The following CACNA2D4 variants were observed in gnomAD, a reference collection of about 807,000 sequenced individuals.
CACNA2D4 encodes calcium voltage-gated channel auxiliary subunit alpha2delta 4, also known as voltage-dependent calcium channel subunit alpha-2/delta-4.
A neutral mutation model predicts 163.8 loss-of-function variants in CACNA2D4; 157 were observed. The ratio of observed to expected loss-of-function variants is 0.96; its 90% CI spans 0.84 to 1.09. CACNA2D4 has a LOEUF of 1.09. Among genes scored for constraint, CACNA2D4 ranks in the 50% least tolerant of loss-of-function variants. CACNA2D4 has a pLI of 0.00. For synonymous variants in CACNA2D4, 598 were observed against 586.9 expected, an observed-to-expected ratio of 1.02 and a Z score of -0.27; for missense variants, 1,410 against 1,479.9, an observed-to-expected ratio of 0.95 and a Z score of 0.78.
In CACNA2D4 at chr12:1,793,739, G is replaced by A. The variant is rs33912216; in HGVS notation, c.3330C>T (p.Gly1110=). 0.097 allele frequency: 156,067 copies of A among 1,612,800 alleles called. 8,584 individuals carry two copies. The highest frequency in any genetic ancestry group is 0.22 in the Admixed American group (13,082 of 59,990). The part of the protein sequence containing the change: ...FHPEENAQDC[G]GASDTSASPP... ...GCGAGGCTGAGGTGTCCGAGGCGCC[G>A]CCGCAGTCCTGGGCATTCTCCTGCG... Residue 1110 remains glycine, a synonymous_variant, in exon 38 of 38, where the codon GGC becomes GGT. Transcript: ENST00000382722.
intron 4 of CACNA2D4, 136 bp from the exon 5 acceptor site, chr12:1,908,173 G>A (rs1182556875): frequency 6.7e-6 from 6 of 895,178 alleles, no homozygotes; most frequent in Non-Finnish European, 1.0e-5. Flanking sequence ...AAGCACCCGC[G>A]GCGGCGCGCT....
chr12:1,907,188 T>C (rs1866680135), intron 6 of CACNA2D4, among the ~76,000 whole-genome samples: 1 of 152,270 alleles, frequency 6.6e-6, no homozygotes, highest in South Asian at 2.1e-4. Flanking sequence ...AGGAGCTTCA[T>C]GTGGGCATTC....
intron 31 of CACNA2D4, chr12:1,800,648 A>G: frequency 5.0e-6 from 3 of 605,984 alleles, no homozygotes; most frequent in Non-Finnish European, 2.9e-6. Context: ...GGAAATGCCT[A>G]TTGCAGGTCA....
At chr12:1,912,892 G>A (rs1866866539) in intron 3 of CACNA2D4, 131 bp downstream of exon 3, 3 of 628,406 alleles carry the variant, frequency 4.8e-6, no homozygotes, top group Non-Finnish European at 8.6e-6. Flanking sequence ...GAAGGTACAA[G>A]GCGGAATCTT....
intron 26 of CACNA2D4, among the ~76,000 whole-genome samples, chr12:1,838,817 A>ATT (rs1380632242): frequency 1.7e-4 from 26 of 152,286 alleles, no homozygotes; most frequent in African/African-American, 5.5e-4. Context: ...GCACAGGCGC[A>ATT]GGCTTGGCTG....
chr12:1,915,949 G>A (rs979515151), intron 1 of CACNA2D4, among the ~76,000 whole-genome samples: 2 of 152,240 alleles, frequency 1.3e-5, no homozygotes, highest in African/African-American at 4.8e-5. Flanking sequence ...CATGCGGGTA[G>A]CATAGTACAT....
intron 10 of CACNA2D4, 48 bp from the exon 11 acceptor site, chr12:1,884,929 C>T (rs373136107): frequency 3.1e-6 from 5 of 1,600,806 alleles, no homozygotes; most frequent in East Asian, 4.5e-5. Context: ...AGCCCACCCC[C>T]CTCCACCTGC....
rs965003050 is a variant in CACNA2D4, at chr12:1,793,465, T to C, written c.*190A>G. ...CGGGCACCATGAAGCATCTTGAAAG[T>C]GGTGCCAGGTGATTGGTTTCCTGTT... is the stretch of plus-strand genomic sequence containing the variant. On this transcript the variant is annotated 3_prime_UTR_variant, in exon 38 of 38. Coordinates refer to ENST00000382722, the MANE Select transcript of CACNA2D4 (RefSeq NM_172364.5). 6 of 632,200 alleles carry C rather than the reference T, an allele frequency of 9.5e-6. No individual in the cohort carries two copies. In the African/African-American group the frequency reaches 1.1e-4, roughly 11 times the overall value. 39.2% of individuals were successfully genotyped at this position (632,200 alleles called of 1,614,324 possible). A position where few individuals can be genotyped will look rare whatever the true frequency, so the allele number is the denominator to read the frequency against.
intron 23 of CACNA2D4, among the ~76,000 whole-genome samples, chr12:1,852,361 A>G (rs1865300935): frequency 6.6e-6 from 1 of 152,058 alleles, no homozygotes; most frequent in Non-Finnish European, 1.5e-5. Flanking sequence ...AATTCTACTG[A>G]GTGGCTTTAA....
intron 26 of CACNA2D4, among the ~76,000 whole-genome samples, chr12:1,830,362 C>T (rs1864567422): frequency 6.6e-6 from 1 of 152,206 alleles, no homozygotes; most frequent in African/African-American, 2.4e-5. Context: ...CCGTGAAGGA[C>T]AGGGCTAGGA....
intron 26 of CACNA2D4, among the ~76,000 whole-genome samples, chr12:1,840,302 C>G (rs1393509577): frequency 1.3e-5 from 2 of 149,570 alleles, no homozygotes; most frequent in Non-Finnish European, 3.0e-5. Context: ...GCCTTTCTTT[C>G]AGCTACAGAA....
At chr12:1,808,084 T>C (rs775085191) in intron 29 of CACNA2D4, among the ~76,000 whole-genome samples, 16 of 152,158 alleles carry the variant, frequency 1.1e-4, no homozygotes, top group Non-Finnish European at 2.1e-4. Flanking sequence ...TGAAGACATG[T>C]GAGCAAATGT....
chr12:1,797,511 G>A lies in CACNA2D4; in HGVS notation c.3020C>T (p.Pro1007Leu), dbSNP rs1204935925. 1.9e-6 allele frequency: 3 copies of A among 1,576,880 alleles called. No individual in the cohort carries two copies. Among genetic ancestry groups the A allele is most frequent in the Non-Finnish European group, 8.6e-7 (1 of 1,162,802 alleles). ...HHSHKHKKQD[P>L]LQPCDTEYPV... ...GTACTCCGTGTCGCAGGGCTGCAGC[G>A]GGTCCTGCTTCTTGTGTTTGTGGGC... is the stretch of plus-strand genomic sequence containing the variant. Residue 1007 changes from proline (P) to leucine (L), a missense_variant, in exon 35 of 38, where the codon CCG (proline) becomes CTG (leucine). Pro to Leu is a moderately conservative substitution (Grantham distance 98). Transcript: ENST00000382722.
chr12:1,827,976 G>C, intron 26 of CACNA2D4: 2 of 472,488 alleles, frequency 4.2e-6, no homozygotes, highest in Non-Finnish European at 7.4e-6. Context: ...ACAGGAGAGG[G>C]CATGAGGAGT....
At chr12:1,913,361 C>T (rs141760373) in intron 2 of CACNA2D4, among the ~76,000 whole-genome samples, 12 of 152,294 alleles carry the variant, frequency 7.9e-5, no homozygotes, top group African/African-American at 2.4e-4. Flanking sequence ...GTGCTCTAGA[C>T]GCATTGCAGT....
At position 1,816,754 on chromosome 12, in the gene CACNA2D4, A is replaced by G. The variant is rs375418916; in HGVS notation, c.2552-5031T>C. On this transcript the variant is annotated intron_variant, in intron 26 of 37. Transcript: ENST00000382722. ...CAAACAACTGTGCATGCACACACAC[A>G]TACATGCACACACATGGACACACAC... Among the ~76,000 whole-genome samples the G allele has an allele frequency of 2.3e-3, 343 of 152,226 alleles. 1 individual carries two copies. Among genetic ancestry groups the G allele is most frequent in the Non-Finnish European group, 4.0e-3 (273 of 68,000 alleles).
intron 23 of CACNA2D4, among the ~76,000 whole-genome samples, chr12:1,848,983 G>A (rs1224756785): frequency 1.3e-5 from 2 of 152,072 alleles, no homozygotes. Context: ...GCTGGCTCTG[G>A]GGTCCCTTGG....
chr12:1,797,691 G>A, intron 34 of CACNA2D4, 156 bp from the exon 35 acceptor site: 1 of 686,332 alleles, frequency 1.5e-6, no homozygotes, highest in Non-Finnish European at 2.6e-6. Flanking sequence ...GCCGGGCGGG[G>A]GGTGAGGGGA....
At chr12:1,815,159 T>C (rs569370208) in intron 26 of CACNA2D4, among the ~76,000 whole-genome samples, 3 of 152,374 alleles carry the variant, frequency 2.0e-5, no homozygotes, top group South Asian at 2.1e-4. Context: ...CCCAAAGTGC[T>C]GGGACTACAG....
Sources: gnomAD v4.1 joint callset for allele counts (sites outside exome capture counted in the v4.1 genomes callset) on GRCh38, gnomAD v4.1.1 for gene constraint, MANE v1.5 for transcripts, NCBI Gene and HGNC (gene_info 2026-07-23, HGNC 2026-07-21) for gene names.